The following HSPA4L variants were observed in gnomAD, a reference collection of about 807,000 sequenced individuals.
HSPA4L encodes the protein heat shock 70 kDa protein 4L.
HSPA4L carries 48 observed loss-of-function variants against 100.3 expected under a neutral mutation model. The ratio of observed to expected loss-of-function variants is 0.48; its 90% CI spans 0.38 to 0.61. The LOEUF (loss-of-function observed/expected upper bound fraction) is 0.61, where lower values mean the gene tolerates loss of function less well. HSPA4L is among the 20% of genes least tolerant of loss of function. The probability of loss-of-function intolerance (pLI) is 0.00; values close to 1 mark genes in which losing one functional copy is unlikely to be tolerated. For missense variants in HSPA4L, 886 were observed against 988.6 expected (o/e 0.90, Z 1.39); for synonymous variants, 319 against 328.2 (o/e 0.97, Z 0.30).
At chr4:127,796,001 C>CT in intron 3 of HSPA4L, 93 bp downstream of exon 3, 3 of 1,245,716 alleles carry the variant, frequency 2.4e-6, no homozygotes, top group Non-Finnish European at 3.4e-6. Flanking sequence ...CCTTTTTCCT[C>CT]TAGATACAGT....
At chr4:127,783,505 A>C in intron 1 of HSPA4L, 1 of 1,475,742 alleles carries the variant, frequency 6.8e-7, no homozygotes, top group Non-Finnish European at 8.9e-7. Flanking sequence ...GCGTTATGTC[A>C]TGGAAACATG....
rs558648621 is a variant in HSPA4L at position 127,795,409 on chromosome 4, G to A, written c.166-359G>A. On this transcript the variant is annotated intron_variant, in intron 2 of 18. Transcript: ENST00000296464. ...ATTTAGATTTCAGATTTTTGGATTTGGGATGTTCAGCTCGTACTAATTCAC... is the reference window on the plus strand; with the variant it reads ...ATTTAGATTTCAGATTTTTGGATTTAGGATGTTCAGCTCGTACTAATTCAC... Among the ~76,000 whole-genome samples, 130 of 152,212 alleles carry A rather than the reference G, an allele frequency of 8.5e-4. 1 individual carries two copies. The highest frequency in any genetic ancestry group is 3.0e-3 in the African/African-American group (123 of 41,540).
chr4:127,806,876 TCTGAATGTCTTGCAAAAGA>T (rs1733375127), intron 10 of HSPA4L, among the ~76,000 whole-genome samples: 1 of 152,032 alleles, frequency 6.6e-6, no homozygotes, highest in African/African-American at 2.4e-5. Flanking sequence ...TTCAGCCTTA[TCTGAATGTCTTGCAAAAGA>T]TTTTAATGGC....
At position 127,806,542 on chromosome 4, in the gene HSPA4L, T is replaced by C. The variant is rs953316908; in HGVS notation, c.1244+749T>C. ...TTTTAGCTCATTTTCTCCTGTACTT[T>C]TAATTGAACATGCCAATATTTTAAA... On this transcript the variant is annotated intron_variant, in intron 10 of 18. Coordinates refer to ENST00000296464, the MANE Select transcript of HSPA4L (RefSeq NM_014278.4). Among the ~76,000 whole-genome samples the C allele has an allele frequency of 6.6e-5, 10 of 152,160 alleles. 1 individual carries two copies. The highest frequency in any genetic ancestry group is 2.2e-4 in the African/African-American group (9 of 41,584).
At chr4:127,788,115 G>A (rs1732769667) in intron 1 of HSPA4L, among the ~76,000 whole-genome samples, 1 of 151,916 alleles carries the variant, frequency 6.6e-6, no homozygotes, top group South Asian at 2.1e-4. Context: ...GTTAAATAAT[G>A]TATCAAATTT....
At chr4:127,811,663 C>G in intron 12 of HSPA4L, 27 bp downstream of exon 12, 4 of 1,494,546 alleles carry the variant, frequency 2.7e-6, no homozygotes, top group Non-Finnish European at 3.7e-6. Flanking sequence ...TCTCAATGTT[C>G]TTGTAATAGA....
At chr4:127,815,234 A>G (rs1352714074) in intron 12 of HSPA4L, among the ~76,000 whole-genome samples, 1 of 152,172 alleles carries the variant, frequency 6.6e-6, no homozygotes, top group African/African-American at 2.4e-5. Flanking sequence ...AAAAATCACA[A>G]TAGAGCTTGC....
intron 12 of HSPA4L, chr4:127,812,673 GT>G: frequency 1.4e-6 from 1 of 712,576 alleles, no homozygotes. Context: ...GTTTTGTTTT[GT>G]TTTTGTAGCC....
Position 127,805,719 on chromosome 4 carries a change from T to C in HSPA4L, c.1170T>C (p.Arg390=). 1 of 1,612,798 alleles carries C rather than the reference T, an allele frequency of 6.2e-7. No homozygotes were observed. Among genetic ancestry groups the C allele is most frequent in the Non-Finnish European group, 8.5e-7 (1 of 1,179,168 alleles). The change falls in exon 10 of 19, where the codon CGT becomes CGC. Residue 390 remains arginine (R), a synonymous_variant. Coordinates refer to ENST00000296464, the MANE Select transcript of HSPA4L (RefSeq NM_014278.4). The part of the protein sequence containing the change: ...CAILSPAFKV[R]EFSITDLVPY... Reference sequence around the variant, plus strand: ...TTCTCTCACCAGCATTTAAAGTGCGTGAATTTTCCATAACAGACCTTGTTC... The same window carrying C: ...TTCTCTCACCAGCATTTAAAGTGCGCGAATTTTCCATAACAGACCTTGTTC...
intron 14 of HSPA4L, 53 bp downstream of exon 14, chr4:127,820,618 T>C: frequency 6.4e-7 from 1 of 1,554,156 alleles, no homozygotes; most frequent in South Asian, 1.2e-5. Flanking sequence ...TCTGAAATTT[T>C]GTAGAAGTCA....
At chr4:127,801,328 C>T (rs1733171303) in intron 5 of HSPA4L, 91 bp downstream of exon 5, 1 of 895,028 alleles carries the variant, frequency 1.1e-6, no homozygotes, top group African/African-American at 1.7e-5. Flanking sequence ...TTTTTTAACT[C>T]CAAGGCAAGA....
intron 3 of HSPA4L, among the ~76,000 whole-genome samples, chr4:127,797,183 A>G (rs1733045003): frequency 6.6e-6 from 1 of 152,174 alleles, no homozygotes; most frequent in Non-Finnish European, 1.5e-5. Context: ...TCAGGTTACT[A>G]AAGTGAGTAG....
At chr4:127,795,049 CT>C (rs1732980016) in intron 2 of HSPA4L, among the ~76,000 whole-genome samples, 1 of 151,892 alleles carries the variant, frequency 6.6e-6, no homozygotes, top group Non-Finnish European at 1.5e-5. Context: ...ATTTACTAGC[CT>C]AGGAGCAATC....
At chr4:127,826,584 T>G (rs1445802879) in intron 16 of HSPA4L, among the ~76,000 whole-genome samples, 1 of 152,228 alleles carries the variant, frequency 6.6e-6, no homozygotes, top group Non-Finnish European at 1.5e-5. Context: ...AAATGTACCC[T>G]AAGATGCTAA....
intron 6 of HSPA4L, among the ~76,000 whole-genome samples, chr4:127,803,061 C>T (rs1243011226): frequency 1.3e-5 from 2 of 152,072 alleles, no homozygotes; most frequent in Admixed American, 1.3e-4. Context: ...AAGCCTGTTG[C>T]TCAACCAGCT....
chr4:127,816,699 C>G (rs1210262064), intron 12 of HSPA4L, among the ~76,000 whole-genome samples: 1 of 152,148 alleles, frequency 6.6e-6, no homozygotes, highest in Non-Finnish European at 1.5e-5. Context: ...TAAACAAATG[C>G]TGGGTCATTT....
chr4:127,818,283 A>G (rs1733723836), intron 12 of HSPA4L, 42 bp from the exon 13 acceptor site: 1 of 1,380,032 alleles, frequency 7.2e-7, no homozygotes, highest in Non-Finnish European at 1.0e-6. Context: ...AAAACAAAAA[A>G]AAGACACTGC....
Position 127,782,365 on chromosome 4 carries a change from C to T in HSPA4L, c.-186C>T, listed in dbSNP as rs1317183604. Reference sequence around the variant, plus strand: ...CTGCGGGACGCGGTGCAGGCTGCGGCGCTGACGGCCTCTGCTCCTTCCGCG... The same window carrying T: ...CTGCGGGACGCGGTGCAGGCTGCGGTGCTGACGGCCTCTGCTCCTTCCGCG... On this transcript the variant is annotated 5_prime_UTR_variant, in exon 1 of 19. Transcript: ENST00000296464. The T allele has an allele frequency of 3.4e-6, 2 of 584,104 alleles. No homozygotes were observed. The highest frequency in any genetic ancestry group is 4.0e-5 in the South Asian group (2 of 50,508). The allele number at this position is 584,104 out of a possible 1,614,324, so 36.2% of individuals were successfully genotyped here. A position where few individuals can be genotyped will look rare whatever the true frequency, so the allele number is the denominator to read the frequency against.
chr4:127,823,849 G>T (rs1168273243), intron 16 of HSPA4L, among the ~76,000 whole-genome samples: 1 of 152,016 alleles, frequency 6.6e-6, no homozygotes, highest in East Asian at 1.9e-4. Flanking sequence ...TCTTTGGGGG[G>T]GAGAACACTT....
Sources: gnomAD v4.1 joint callset for allele counts (sites outside exome capture counted in the v4.1 genomes callset) on GRCh38, gnomAD v4.1.1 for gene constraint, MANE v1.5 for transcripts, NCBI Gene and HGNC (gene_info 2026-07-23, HGNC 2026-07-21) for gene names.